Variants in NEXMIF observed in about 807,000 individuals in gnomAD.
The protein encoded by NEXMIF is neurite extension and migration factor.
Under a neutral mutation model 62.1 loss-of-function variants are expected in NEXMIF, and 8 were observed. The observed-to-expected ratio is 0.13, with a 90% CI of 0.08 to 0.23. NEXMIF has a LOEUF of 0.23. NEXMIF is among the 10% of genes least tolerant of loss of function. The pLI is 1.00. For missense variants in NEXMIF, 976 were observed against 1,113.3 expected, an observed-to-expected ratio of 0.88 and a Z score of 1.75; for synonymous variants, 404 against 416.6, an observed-to-expected ratio of 0.97 and a Z score of 0.37.
chrX:74,803,676 T>C (rs2080336754), intron 1 of NEXMIF, among the ~76,000 whole-genome samples: 1 of 110,895 alleles, frequency 9.0e-6, no homozygotes, highest in Non-Finnish European at 1.9e-5. Flanking sequence ...CAATATACAA[T>C]GCAGCTCAAA....
intron 1 of NEXMIF, among the ~76,000 whole-genome samples, chrX:74,816,292 C>A (rs1230005608): frequency 9.0e-6 from 1 of 111,660 alleles, no homozygotes; most frequent in African/African-American, 3.3e-5. Context: ...TGGGAATATT[C>A]CTGTCATCAA....
chrX:74,807,096 T>C (rs760327457), intron 1 of NEXMIF, among the ~76,000 whole-genome samples: 28 of 112,598 alleles, frequency 2.5e-4, no homozygotes, highest in Non-Finnish European at 2.4e-4. Context: ...CTGGGATTTT[T>C]ATTTGGATTG....
At chrX:74,874,957 C>T (rs1032751900) in intron 1 of NEXMIF, among the ~76,000 whole-genome samples, 1 of 110,630 alleles carries the variant, frequency 9.0e-6, no homozygotes, top group African/African-American at 3.3e-5. Context: ...AATTTGACTT[C>T]CTCTTTTCCT....
At chrX:74,866,998 G>T (rs2080582189) in intron 1 of NEXMIF, among the ~76,000 whole-genome samples, 1 of 111,818 alleles carries the variant, frequency 8.9e-6, no homozygotes, top group African/African-American at 3.3e-5. Flanking sequence ...AATAGACAAG[G>T]GGAGAAACAA....
At chrX:74,901,810 G>A in intron 1 of NEXMIF, among the ~76,000 whole-genome samples, 1 of 111,292 alleles carries the variant, frequency 9.0e-6, no homozygotes, top group East Asian at 2.8e-4. Flanking sequence ...AATAAATGGA[G>A]AGAGCTCCTT....
At chrX:74,887,624 A>G (rs1602267568) in intron 1 of NEXMIF, among the ~76,000 whole-genome samples, 2 of 110,195 alleles carry the variant, frequency 1.8e-5, no homozygotes, top group African/African-American at 3.3e-5. Flanking sequence ...TTAGAATGGC[A>G]ATCATTAAAA....
rs752144757 is a variant in NEXMIF, at chrX:74,822,717, C to T, written c.-47-77020G>A. Among the ~76,000 whole-genome samples the T allele has an allele frequency of 1.7e-4, 19 of 111,944 alleles. No homozygotes were observed. The South Asian group carries it at 7.1e-3, about 42-fold the overall frequency. ...TACCACTTCATACCCACTATGATGG[C>T]TATTATAAAAAAGATAATAATGTTG... is the stretch of plus-strand genomic sequence containing the variant. On this transcript the variant is annotated intron_variant, in intron 1 of 3. Transcript: ENST00000055682.
intron 1 of NEXMIF, among the ~76,000 whole-genome samples, chrX:74,857,296 C>T (rs752014797): frequency 4.0e-4 from 45 of 112,302 alleles, no homozygotes; most frequent in Non-Finnish European, 7.9e-4. Flanking sequence ...GTAAAGAAGA[C>T]TTGGTCTTGC....
At chrX:74,845,966 G>A (rs2080490675) in intron 1 of NEXMIF, among the ~76,000 whole-genome samples, 1 of 111,939 alleles carries the variant, frequency 8.9e-6, no homozygotes, top group African/African-American at 3.2e-5. Context: ...TATCAGCAGT[G>A]ATTTAGTTAC....
At chrX:74,887,601 C>T (rs1475012810) in intron 1 of NEXMIF, among the ~76,000 whole-genome samples, 1 of 110,955 alleles carries the variant, frequency 9.0e-6, no homozygotes, top group Non-Finnish European at 1.9e-5. Context: ...AATGAGATAC[C>T]ATCTCACACC....
intron 1 of NEXMIF, among the ~76,000 whole-genome samples, chrX:74,789,725 GTGA>G (rs1184195539): frequency 9.1e-6 from 1 of 110,355 alleles, no homozygotes; most frequent in Non-Finnish European, 1.9e-5. Flanking sequence ...CTGATGGCCA[GTGA>G]TGATGAGCAT....
intron 1 of NEXMIF, among the ~76,000 whole-genome samples, chrX:74,804,720 G>A (rs761302682): frequency 8.1e-5 from 9 of 111,648 alleles, no homozygotes; most frequent in Non-Finnish European, 1.3e-4. Flanking sequence ...TGGGGTTGAG[G>A]GTGGGGTGTT....
chrX:74,891,482 C>T (rs1364292935), intron 1 of NEXMIF, among the ~76,000 whole-genome samples: 1 of 111,768 alleles, frequency 8.9e-6, no homozygotes, highest in Non-Finnish European at 1.9e-5. Context: ...TGCATGGCAA[C>T]ATACTGAATG....
At chrX:74,857,488 T>C (rs2080539515) in intron 1 of NEXMIF, among the ~76,000 whole-genome samples, 1 of 111,997 alleles carries the variant, frequency 8.9e-6, no homozygotes, top group East Asian at 2.8e-4. Flanking sequence ...TAAAGAGCAC[T>C]TGGGCCCTGA....
intron 1 of NEXMIF, among the ~76,000 whole-genome samples, chrX:74,798,145 GGAA>G (rs1339297424): frequency 8.9e-6 from 1 of 111,923 alleles, no homozygotes; most frequent in East Asian, 2.8e-4. Flanking sequence ...GAGAGCATCA[GGAA>G]GAATAGCTAA....
In NEXMIF at chrX:74,835,939, G is replaced by T. The variant is rs757465444; in HGVS notation, c.-48+88944C>A. On this transcript the variant is annotated intron_variant, in intron 1 of 3. Transcript: ENST00000055682. The stretch of plus-strand genomic sequence containing the variant: ...TTAAAAAAACATCAGAAATTAGCCT[G>T]ATGTTCTATCCTACTAAATAGATAA... Among the ~76,000 whole-genome samples the T allele has an allele frequency of 1.6e-3, 175 of 112,285 alleles. 1 individual carries two copies. Among genetic ancestry groups the T allele is most frequent in the African/African-American group, 5.4e-3 (167 of 30,951 alleles).
chrX:74,881,350 A>G (rs1350410212), intron 1 of NEXMIF, among the ~76,000 whole-genome samples: 1 of 106,226 alleles, frequency 9.4e-6, no homozygotes, highest in African/African-American at 3.5e-5. Context: ...TCCTACATTT[A>G]CTTAAATGGA....
intron 1 of NEXMIF, among the ~76,000 whole-genome samples, chrX:74,920,033 C>T (rs1002363119): frequency 1.5e-4 from 17 of 111,759 alleles, no homozygotes; most frequent in African/African-American, 3.6e-4. Context: ...CATTGTTGGA[C>T]GTTTGGGTTG....
chrX:74,887,439 C>G (rs1346794969), intron 1 of NEXMIF, among the ~76,000 whole-genome samples: 1 of 111,006 alleles, frequency 9.0e-6, no homozygotes, highest in Non-Finnish European at 1.9e-5. Context: ...ACAATGAACT[C>G]AAATTTACAA....
Sources: allele counts gnomAD v4.1 joint callset (sites outside exome capture counted in the v4.1 genomes callset), GRCh38; gene constraint gnomAD v4.1.1; transcripts MANE v1.5; gene names NCBI Gene and HGNC (gene_info 2026-07-23, HGNC 2026-07-21).